EDA: variants seen among roughly 807,000 people sequenced by gnomAD.
EDA encodes ectodysplasin-A.
EDA carries 2 observed loss-of-function variants against 23.6 expected under a neutral mutation model. The observed-to-expected ratio is 0.08, with a 90% CI of 0.03 to 0.27. The LOEUF (loss-of-function observed/expected upper bound fraction) is 0.27, where lower values mean the gene tolerates loss of function less well. EDA is among the 10% of genes least tolerant of loss of function. The pLI, the probability that EDA is intolerant of heterozygous loss-of-function variation, is 1.00. For missense variants in EDA, 229 were observed against 324.2 expected (o/e 0.71, Z 2.26); for synonymous variants, 131 against 132.0 (o/e 0.99, Z 0.05).
At chrX:69,784,961 A>G (rs1179186313) in intron 1 of EDA, among the ~76,000 whole-genome samples, 1 of 110,012 alleles carries the variant, frequency 9.1e-6, no homozygotes, top group African/African-American at 3.3e-5. Context: ...ATCCTCTTTT[A>G]TTTCCTTGAG....
chrX:69,814,067 AAAC>A (rs1286039140), intron 1 of EDA, among the ~76,000 whole-genome samples: 1 of 112,876 alleles, frequency 8.9e-6, no homozygotes, highest in African/African-American at 3.2e-5. Flanking sequence ...GAAGGTTAAC[AAAC>A]AACAAAAACA....
chrX:69,781,589 T>C (rs2014945890), intron 1 of EDA, among the ~76,000 whole-genome samples: 1 of 111,800 alleles, frequency 8.9e-6, no homozygotes, highest in South Asian at 3.8e-4. Context: ...AGAGGTATTG[T>C]TATAAAGTTG....
At chrX:69,725,909 A>G (rs1489784644) in intron 1 of EDA, among the ~76,000 whole-genome samples, 1 of 112,447 alleles carries the variant, frequency 8.9e-6, no homozygotes, top group Non-Finnish European at 1.9e-5. Context: ...TGAGCCTAAT[A>G]GTCTGTGCTA....
At chrX:69,892,498 G>A (rs2017949578) in intron 1 of EDA, among the ~76,000 whole-genome samples, 1 of 110,404 alleles carries the variant, frequency 9.1e-6, no homozygotes, top group Non-Finnish European at 1.9e-5. Context: ...AGCTACTATT[G>A]TCCCCACAGA....
At chrX:69,969,396 A>C (rs768016900) in intron 2 of EDA, among the ~76,000 whole-genome samples, 19 of 112,539 alleles carry the variant, frequency 1.7e-4, no homozygotes, top group African/African-American at 2.3e-4. Flanking sequence ...AAATACAGCA[A>C]TTTAATTCTC....
intron 2 of EDA, among the ~76,000 whole-genome samples, chrX:69,997,589 C>T (rs1299535235): frequency 1.8e-5 from 2 of 112,820 alleles, no homozygotes; most frequent in Non-Finnish European, 3.8e-5. Context: ...AATCAGAAGC[C>T]AAATGTTAAT....
intron 1 of EDA, among the ~76,000 whole-genome samples, chrX:69,861,442 G>A (rs1336600285): frequency 7.2e-5 from 8 of 111,113 alleles, no homozygotes; most frequent in East Asian, 2.8e-4. Context: ...AGTAATAGGA[G>A]TGAAGGGGAT....
At chrX:69,742,804 G>T in intron 1 of EDA, among the ~76,000 whole-genome samples, 1 of 110,759 alleles carries the variant, frequency 9.0e-6, no homozygotes, top group Non-Finnish European at 1.9e-5. Context: ...GGCAATAATT[G>T]GGCTTACCTT....
At chrX:69,827,866 A>G (rs1364213423) in intron 1 of EDA, among the ~76,000 whole-genome samples, 2 of 111,712 alleles carry the variant, frequency 1.8e-5, no homozygotes, top group African/African-American at 6.5e-5. Context: ...GGTGATGTAC[A>G]GATGGGTTTT....
chrX:69,951,209 G>A (rs932655415), intron 1 of EDA, among the ~76,000 whole-genome samples: 5 of 110,935 alleles, frequency 4.5e-5, no homozygotes, highest in Admixed American at 9.5e-5. Context: ...GTGGCTTTAC[G>A]CAGTATTCAG....
intron 2 of EDA, among the ~76,000 whole-genome samples, chrX:69,975,697 A>G (rs1000808550): frequency 8.9e-6 from 1 of 112,076 alleles, no homozygotes; most frequent in African/African-American, 3.2e-5. Context: ...TGTGCTATAA[A>G]TGTAAAATAG....
intron 1 of EDA, among the ~76,000 whole-genome samples, chrX:69,687,273 T>TG (rs1371593805): frequency 9.0e-6 from 1 of 110,730 alleles, no homozygotes; most frequent in East Asian, 2.8e-4. Context: ...GTTTTTTTTT[T>TG]TTTTTAGTTG....
chrX:69,920,934 T>G (rs956599253), intron 1 of EDA, among the ~76,000 whole-genome samples: 1 of 98,772 alleles, frequency 1.0e-5, no homozygotes, highest in African/African-American at 3.7e-5. Context: ...GCAGTTGATC[T>G]GCCTATTCTG....
intron 6 of EDA, among the ~76,000 whole-genome samples, chrX:70,033,107 C>A (rs1449146079): frequency 8.9e-6 from 1 of 112,663 alleles, no homozygotes; most frequent in Non-Finnish European, 1.9e-5. Context: ...CATCCTCCAC[C>A]GGCAAATTCC....
At chrX:69,686,303 G>A (rs142590559) in intron 1 of EDA, among the ~76,000 whole-genome samples, 2,737 of 112,380 alleles carry the variant, frequency 0.024, 42 homozygotes, top group South Asian at 0.038. Flanking sequence ...AGCCTGAAAT[G>A]GCATTTCTTT....
intron 1 of EDA, among the ~76,000 whole-genome samples, chrX:69,802,524 G>A (rs1426658705): frequency 9.0e-6 from 1 of 110,818 alleles, no homozygotes; most frequent in Non-Finnish European, 1.9e-5. Flanking sequence ...AGGAACATAA[G>A]TATTTATTGT....
chrX:69,977,525 C>T (rs1164834229), intron 2 of EDA, among the ~76,000 whole-genome samples: 1 of 111,872 alleles, frequency 8.9e-6, no homozygotes. Context: ...CAAACTCTAC[C>T]TAGGTTTATT....
chrX:69,881,749 A>G (rs917602715), intron 1 of EDA, among the ~76,000 whole-genome samples: 2 of 112,199 alleles, frequency 1.8e-5, no homozygotes, highest in Non-Finnish European at 3.8e-5. Context: ...CTGTACAGAC[A>G]TGGCACCCAC....
At chrX:69,921,967 T>G (rs72628841) in intron 1 of EDA, among the ~76,000 whole-genome samples, 10,377 of 111,219 alleles carry the variant, frequency 0.093, 1,064 homozygotes, top group East Asian at 0.7. Context: ...TCCCTCCTCC[T>G]CCACATACCT....
Sources: allele counts gnomAD v4.1 joint callset (sites outside exome capture counted in the v4.1 genomes callset), GRCh38; gene constraint gnomAD v4.1.1; transcripts MANE v1.5; gene names NCBI Gene and HGNC (gene_info 2026-07-23, HGNC 2026-07-21).